TSHR: variants seen among roughly 807,000 people sequenced by gnomAD.
TSHR encodes thyroid stimulating hormone receptor, also known as thyrotropin receptor.
Under a neutral mutation model 64.1 loss-of-function variants are expected in TSHR, and 51 were observed. That is an observed-to-expected ratio of 0.80 (90% CI 0.64 to 1.01). TSHR has a LOEUF of 1.01. Ranked by LOEUF, TSHR falls within the 50% of genes least tolerant of loss-of-function variation. The pLI is 0.00. For synonymous variants in TSHR, 361 were observed against 361.9 expected (o/e 1.00, Z 0.03); for missense variants, 877 against 942.8 (o/e 0.93, Z 0.91).
intron 3 of TSHR, 23 bp from the exon 4 acceptor site, chr14:81,087,931 T>G: frequency 6.5e-7 from 1 of 1,535,510 alleles, no homozygotes; most frequent in African/African-American, 1.4e-5. Flanking sequence ...TTATAGTGAC[T>G]GTGTTCCTTG....
intron 1 of TSHR, chr14:80,993,141 G>A (rs935454418): frequency 6.6e-6 from 1 of 152,210 alleles, no homozygotes; most frequent in African/African-American, 2.4e-5. Flanking sequence ...TGTTGTCCCA[G>A]TAGGCAAAAC....
At chr14:81,052,437 T>G (rs1885488917) in intron 1 of TSHR, 1 of 152,242 alleles carries the variant, frequency 6.6e-6, no homozygotes, top group Non-Finnish European at 1.5e-5. Flanking sequence ...CCTGCAGTTT[T>G]GGTTACTATA....
At chr14:81,092,426 T>A in intron 5 of TSHR, 105 bp from the exon 6 acceptor site, 1 of 1,042,472 alleles carries the variant, frequency 9.6e-7, no homozygotes, top group Non-Finnish European at 1.5e-6. Flanking sequence ...GAAATAAGAT[T>A]AAGCTATATT....
intron 8 of TSHR, among the ~76,000 whole-genome samples, chr14:81,134,565 A>G (rs1397406631): frequency 6.6e-6 from 1 of 152,250 alleles, no homozygotes; most frequent in Non-Finnish European, 1.5e-5. Flanking sequence ...AAATACGGCA[A>G]TAAACAGAAC....
chr14:81,046,630 A>G (rs1885180950), intron 1 of TSHR, among the ~76,000 whole-genome samples: 1 of 152,122 alleles, frequency 6.6e-6, no homozygotes, highest in Non-Finnish European at 1.5e-5. Flanking sequence ...AGAAAAAAAC[A>G]TAAAGAAAAA....
chr14:81,050,515 T>C (rs536424090), intron 1 of TSHR: 1 of 150,832 alleles, frequency 6.6e-6, no homozygotes, highest in African/African-American at 2.5e-5. Flanking sequence ...CATCAATAAA[T>C]TGGCAAACTG....
intron 3 of TSHR, among the ~76,000 whole-genome samples, chr14:81,069,393 T>TA (rs1595045685): frequency 6.6e-6 from 1 of 152,190 alleles, no homozygotes; most frequent in African/African-American, 2.4e-5. Context: ...TAGGCTACCT[T>TA]ACATCAGATC....
intron 1 of TSHR, among the ~76,000 whole-genome samples, chr14:81,007,833 G>C (rs1460736654): frequency 1.3e-5 from 2 of 152,262 alleles, no homozygotes; most frequent in East Asian, 1.9e-4. Flanking sequence ...CACAGAACAG[G>C]GTGAGAGAGC....
At chr14:81,068,043 T>C (rs1440189544) in intron 2 of TSHR, among the ~76,000 whole-genome samples, 1 of 147,812 alleles carries the variant, frequency 6.8e-6, no homozygotes, top group African/African-American at 2.5e-5. Context: ...TTCAGATAAA[T>C]AGGAGTTAAT....
chr14:81,091,778 C>T (rs1331671391), intron 5 of TSHR, among the ~76,000 whole-genome samples: 1 of 152,224 alleles, frequency 6.6e-6, no homozygotes, highest in Non-Finnish European at 1.5e-5. Context: ...TGAGCAGTGT[C>T]TCAAGGAACA....
chr14:81,074,510 T>C (rs939857955), intron 3 of TSHR, among the ~76,000 whole-genome samples: 2 of 152,152 alleles, frequency 1.3e-5, no homozygotes, highest in Non-Finnish European at 2.9e-5. Flanking sequence ...TGAGTATCGA[T>C]ATAGAATGAT....
At chr14:81,068,595 T>G (rs1050827434) in intron 3 of TSHR, 18 of 435,876 alleles carry the variant, frequency 4.1e-5, no homozygotes, top group African/African-American at 2.8e-4. Context: ...CAGCATATTT[T>G]ATTGATGTGA....
chr14:81,105,710 T>C (rs1889847284), intron 7 of TSHR, among the ~76,000 whole-genome samples: 1 of 152,144 alleles, frequency 6.6e-6, no homozygotes, highest in Non-Finnish European at 1.5e-5. Context: ...ATAATTTAGT[T>C]TTACAATAAT....
chr14:81,078,206 G>A (rs537658417), intron 3 of TSHR, among the ~76,000 whole-genome samples: 1 of 152,242 alleles, frequency 6.6e-6, no homozygotes, highest in African/African-American at 2.4e-5. Context: ...GTATTTCACT[G>A]TGGTTCTACT....
chr14:81,092,823 G>A lies in TSHR; in HGVS notation c.545+215G>A, dbSNP rs115617806. 9.0e-3 allele frequency among the ~76,000 whole-genome samples: 1,365 copies of A among 152,228 alleles called. 22 individuals are homozygous for A. Among genetic ancestry groups the A allele is most frequent in the African/African-American group, 0.031 (1,281 of 41,514 alleles). On this transcript the variant is annotated intron_variant, in intron 6 of 9. Transcript: ENST00000298171. ...TAACAAGACAAGAGGATTCCATTAC[G>A]GCAGTGGTTGGTACATTTTTCACGT...
At chr14:81,002,679 G>T (rs939713247) in intron 1 of TSHR, among the ~76,000 whole-genome samples, 1 of 150,066 alleles carries the variant, frequency 6.7e-6, no homozygotes, top group African/African-American at 2.5e-5. Flanking sequence ...AAAACCATTT[G>T]TCATTAGTTA....
At chr14:80,975,123 G>A (rs998145332) in intron 1 of TSHR, among the ~76,000 whole-genome samples, 2 of 152,200 alleles carry the variant, frequency 1.3e-5, no homozygotes, top group African/African-American at 2.4e-5. Flanking sequence ...TTGTTCAAAT[G>A]TTCATGGAGC....
intron 8 of TSHR, among the ~76,000 whole-genome samples, chr14:81,120,591 G>A (rs1465885266): frequency 1.3e-5 from 2 of 152,082 alleles, no homozygotes; most frequent in Non-Finnish European, 2.9e-5. Flanking sequence ...GAGGCTTTCT[G>A]ATTTTCTGTA....
intron 1 of TSHR, among the ~76,000 whole-genome samples, chr14:80,984,457 T>C (rs1888335533): frequency 6.6e-6 from 1 of 152,180 alleles, no homozygotes; most frequent in African/African-American, 2.4e-5. Context: ...CTCGTGTTTT[T>C]ATTAGAACTC....
Sources: gnomAD v4.1 joint callset for allele counts (sites outside exome capture counted in the v4.1 genomes callset) on GRCh38, gnomAD v4.1.1 for gene constraint, MANE v1.5 for transcripts, NCBI Gene and HGNC (gene_info 2026-07-23, HGNC 2026-07-21) for gene names.